The following L3MBTL4 variants were observed in gnomAD, a reference collection of about 807,000 sequenced individuals.
L3MBTL4 encodes L3MBTL histone methyl-lysine binding protein 4.
A neutral mutation model predicts 84.5 loss-of-function variants in L3MBTL4; 70 were observed. That is an observed-to-expected ratio of 0.83 (90% CI 0.68 to 1.01). The LOEUF (loss-of-function observed/expected upper bound fraction) is 1.01, where lower values mean the gene tolerates loss of function less well. L3MBTL4 is among the 50% of genes least tolerant of loss of function. The pLI is 0.00. For missense variants in L3MBTL4, 715 were observed against 754.8 expected (o/e 0.95, Z 0.62); for synonymous variants, 274 against 259.8 (o/e 1.05, Z -0.52).
intron 1 of L3MBTL4, among the ~76,000 whole-genome samples, chr18:6,316,450 AG>A (rs1253299303): frequency 1.3e-5 from 2 of 152,180 alleles, no homozygotes; most frequent in South Asian, 2.1e-4. Flanking sequence ...CAGAGGCATT[AG>A]TGCAATGCTG....
intron 1 of L3MBTL4, among the ~76,000 whole-genome samples, chr18:6,386,541 A>T (rs2144444291): frequency 6.6e-6 from 1 of 152,348 alleles, no homozygotes; most frequent in East Asian, 1.9e-4. Context: ...CAGAACCTAA[A>T]GAAACACACA....
chr18:5,958,698 G>A (rs932116802), intron 18 of L3MBTL4, among the ~76,000 whole-genome samples: 2 of 152,122 alleles, frequency 1.3e-5, no homozygotes, highest in Non-Finnish European at 2.9e-5. Flanking sequence ...ATATACTGCT[G>A]CCTTTATTAA....
At chr18:6,017,919 C>G (rs574875059) in intron 16 of L3MBTL4, 98 of 152,250 alleles carry the variant, frequency 6.4e-4, no homozygotes, top group Admixed American at 8.5e-4. Context: ...CAGACCAGAG[C>G]CATGATTGTC....
At chr18:5,996,901 T>C (rs1244211453) in intron 16 of L3MBTL4, among the ~76,000 whole-genome samples, 3 of 152,178 alleles carry the variant, frequency 2.0e-5, no homozygotes, top group Non-Finnish European at 4.4e-5. Context: ...AAAGTAGCTC[T>C]TAATAGTTTT....
chr18:6,138,625 C>T (rs1021398425), intron 13 of L3MBTL4, among the ~76,000 whole-genome samples: 2 of 152,158 alleles, frequency 1.3e-5, no homozygotes, highest in African/African-American at 4.8e-5. Context: ...CATCTCGGCT[C>T]ACTGCAACCT....
intron 8 of L3MBTL4, among the ~76,000 whole-genome samples, chr18:6,240,522 A>G (rs2047407916): frequency 6.6e-6 from 1 of 152,046 alleles, no homozygotes. Flanking sequence ...ACAATAACAT[A>G]ACAATTACAA....
At chr18:6,003,621 C>T (rs147214587) in intron 16 of L3MBTL4, among the ~76,000 whole-genome samples, 61 of 152,174 alleles carry the variant, frequency 4.0e-4, no homozygotes, top group African/African-American at 1.4e-3. Flanking sequence ...GCACATGAGG[C>T]ATTCTCCAGG....
chr18:6,229,300 C>T (rs2046900829), intron 10 of L3MBTL4, among the ~76,000 whole-genome samples: 1 of 152,012 alleles, frequency 6.6e-6, no homozygotes, highest in Non-Finnish European at 1.5e-5. Context: ...TAATTGTTTT[C>T]AAGTTTTTTT....
chr18:6,047,197 G>A (rs1221281706), intron 16 of L3MBTL4, among the ~76,000 whole-genome samples: 2 of 152,070 alleles, frequency 1.3e-5, no homozygotes, highest in Non-Finnish European at 2.9e-5. Flanking sequence ...GATTGAATCA[G>A]GAAGAAATTG....
At chr18:6,083,743 C>T (rs2058163022) in intron 15 of L3MBTL4, among the ~76,000 whole-genome samples, 1 of 152,096 alleles carries the variant, frequency 6.6e-6, no homozygotes, top group African/African-American at 2.4e-5. Context: ...TTATTAATAG[C>T]GTTGCTGTTG....
intron 16 of L3MBTL4, among the ~76,000 whole-genome samples, chr18:6,062,236 T>C (rs1043099906): frequency 2.0e-5 from 3 of 151,978 alleles, no homozygotes; most frequent in Non-Finnish European, 4.4e-5. Context: ...TTTTGAAGAA[T>C]AGTTTTACCG....
chr18:6,235,541 C>T (rs1019973513), intron 10 of L3MBTL4, among the ~76,000 whole-genome samples: 3 of 152,076 alleles, frequency 2.0e-5, no homozygotes, highest in African/African-American at 7.2e-5. Flanking sequence ...CTTGGATGAA[C>T]CTTGAAAATA....
At chr18:6,021,870 T>C (rs1598458673) in intron 16 of L3MBTL4, among the ~76,000 whole-genome samples, 1 of 152,094 alleles carries the variant, frequency 6.6e-6, no homozygotes, top group African/African-American at 2.4e-5. Context: ...ACACACTCTC[T>C]AGTCCTTCCC....
chr18:5,994,475 T>C (rs1168447277), intron 16 of L3MBTL4, among the ~76,000 whole-genome samples: 2 of 152,232 alleles, frequency 1.3e-5, no homozygotes, highest in Admixed American at 1.3e-4. Flanking sequence ...TTTCCAAATA[T>C]CAACTCAAAA....
intron 14 of L3MBTL4, among the ~76,000 whole-genome samples, chr18:6,132,604 AC>A (rs1346248964): frequency 2.0e-5 from 3 of 152,112 alleles, no homozygotes; most frequent in Non-Finnish European, 1.5e-5. Flanking sequence ...TTTTCTTTAA[AC>A]CTTTCTTTTT....
intron 1 of L3MBTL4, among the ~76,000 whole-genome samples, chr18:6,393,375 T>C (rs1461027647): frequency 6.6e-6 from 1 of 152,048 alleles, no homozygotes; most frequent in Non-Finnish European, 1.5e-5. Context: ...GCCACCTAAT[T>C]CTCACAGGGA....
At chr18:6,143,019 G>A (rs773741040) in intron 13 of L3MBTL4, among the ~76,000 whole-genome samples, 1 of 151,942 alleles carries the variant, frequency 6.6e-6, no homozygotes, top group Non-Finnish European at 1.5e-5. Context: ...AATACATTAT[G>A]CAAGCTATCA....
At chr18:5,974,389 T>A (rs1049654862) in intron 16 of L3MBTL4, among the ~76,000 whole-genome samples, 5 of 151,428 alleles carry the variant, frequency 3.3e-5, no homozygotes, top group East Asian at 1.9e-4. Context: ...GAGTAACCCA[T>A]CTCCAAAGAA....
intron 14 of L3MBTL4, among the ~76,000 whole-genome samples, chr18:6,109,261 G>A (rs1293137064): frequency 6.6e-6 from 1 of 152,106 alleles, no homozygotes; most frequent in Non-Finnish European, 1.5e-5. Context: ...GATCAAGACT[G>A]GACCACTTTT....
Sources: gnomAD v4.1 joint callset for allele counts (sites outside exome capture counted in the v4.1 genomes callset) on GRCh38, gnomAD v4.1.1 for gene constraint, MANE v1.5 for transcripts, NCBI Gene and HGNC (gene_info 2026-07-23, HGNC 2026-07-21) for gene names.